The following SLC40A1 variants were observed in gnomAD, a reference collection of about 807,000 sequenced individuals.
SLC40A1 encodes the protein ferroportin.
In SLC40A1, 16 loss-of-function variants were observed where a neutral mutation model predicts 53.5. The observed-to-expected ratio is 0.30, with a 90% CI of 0.20 to 0.45. The LOEUF (loss-of-function observed/expected upper bound fraction) is 0.45, where lower values mean the gene tolerates loss of function less well. Among genes scored for constraint, SLC40A1 ranks in the 20% least tolerant of loss-of-function variants. The pLI is 1.00. For synonymous variants in SLC40A1, 247 were observed against 253.2 expected, an observed-to-expected ratio of 0.98 and a Z score of 0.23; for missense variants, 545 against 695.4, an observed-to-expected ratio of 0.78 and a Z score of 2.43.
At chr2:189,573,447 C>A (rs1325364044) in intron 3 of SLC40A1, among the ~76,000 whole-genome samples, 1 of 152,182 alleles carries the variant, frequency 6.6e-6, no homozygotes, top group Non-Finnish European at 1.5e-5. Context: ...AAGAATAAAG[C>A]AGCAGTGTAT....
chr2:189,577,420 G>T (rs1218011065), intron 2 of SLC40A1, among the ~76,000 whole-genome samples: 4 of 152,150 alleles, frequency 2.6e-5, no homozygotes, highest in Non-Finnish European at 5.9e-5. Context: ...AGCAAAGTGA[G>T]CCTCTGGGAA....
At chr2:189,578,991 A>G (rs1202788196) in intron 2 of SLC40A1, among the ~76,000 whole-genome samples, 1 of 152,248 alleles carries the variant, frequency 6.6e-6, no homozygotes, top group Admixed American at 6.5e-5. Flanking sequence ...TTTTAAATAC[A>G]TATGAGCCAT....
intron 6 of SLC40A1, among the ~76,000 whole-genome samples, chr2:189,564,660 G>A (rs2030872616): frequency 6.6e-6 from 1 of 152,132 alleles, no homozygotes; most frequent in Admixed American, 6.5e-5. Context: ...CTAACATGGT[G>A]AAACCCCGTC....
At chr2:189,575,481 C>T (rs1332854820) in intron 2 of SLC40A1, among the ~76,000 whole-genome samples, 161 bp from the exon 3 acceptor site, 6 of 152,158 alleles carry the variant, frequency 3.9e-5, no homozygotes, top group African/African-American at 4.8e-5. Flanking sequence ...GATGTTAAAA[C>T]GTTCATCCCA....
intron 6 of SLC40A1, 126 bp downstream of exon 6, chr2:189,565,228 A>G (rs1300224217): frequency 1.7e-6 from 2 of 1,199,360 alleles, no homozygotes; most frequent in East Asian, 2.4e-5. Flanking sequence ...CCAAAGCGAT[A>G]TATTTAACCT....
chr2:189,564,928 C>T (rs2030884986), intron 6 of SLC40A1, among the ~76,000 whole-genome samples: 1 of 152,220 alleles, frequency 6.6e-6, no homozygotes, highest in South Asian at 2.1e-4. Context: ...CCAGCGTCCT[C>T]TTCTCCAGTG....
At chr2:189,575,556 C>G (rs149678352) in intron 2 of SLC40A1, among the ~76,000 whole-genome samples, 4 of 152,256 alleles carry the variant, frequency 2.6e-5, no homozygotes, top group Non-Finnish European at 5.9e-5. Context: ...ATTAATGAAC[C>G]GCACATTCTC....
chr2:189,563,656 C>G lies in SLC40A1; in HGVS notation c.1330G>C (p.Glu444Gln). 1 of 1,614,124 alleles carries G rather than the reference C, an allele frequency of 6.2e-7. No individual in the cohort carries two copies. The highest frequency in any genetic ancestry group is 8.5e-7 in the Non-Finnish European group (1 of 1,179,994). Residue 444 changes from glutamate (E) to glutamine (Q), a missense_variant, in exon 7 of 8, where the codon GAG becomes CAG. Glu to Gln is a conservative substitution (Grantham distance 29, BLOSUM62 2). This residue lies in a region of SLC40A1 where 234 missense variants were observed against 299.0 expected (regional missense o/e 0.78). Coordinates refer to ENST00000261024, the MANE Select transcript of SLC40A1 (RefSeq NM_014585.6). ...ATGGGCACAGATTCAGGACTTGTCT[C>G]CGGGACAATATTAGCAGAATTAGAC... The part of the protein sequence containing the change: ...NGSNSANIVP[E>Q]TSPESVPIIS...
chr2:189,572,478 G>T (rs1408680458), intron 4 of SLC40A1: 1 of 302,142 alleles, frequency 3.3e-6, no homozygotes, highest in African/African-American at 2.2e-5. Flanking sequence ...CCAAACAGAA[G>T]TAACAATTAT....
chr2:189,577,805 CAG>C (rs2031337532), intron 2 of SLC40A1, among the ~76,000 whole-genome samples: 1 of 151,760 alleles, frequency 6.6e-6, no homozygotes, highest in South Asian at 2.1e-4. Flanking sequence ...TTTGCAGAGA[CAG>C]AGTCTCCCTA....
At chr2:189,578,941 T>C (rs1414807135) in intron 2 of SLC40A1, among the ~76,000 whole-genome samples, 1 of 152,220 alleles carries the variant, frequency 6.6e-6, no homozygotes, top group African/African-American at 2.4e-5. Context: ...AAAAGGAAAA[T>C]AACATTCAAA....
rs1293705628 is a variant in SLC40A1 at position 189,575,250 on chromosome 2, G to A, written c.182C>T (p.Thr61Ile). 1 of 1,614,128 alleles carries A rather than the reference G, an allele frequency of 6.2e-7. No individual in the cohort carries two copies. The highest frequency in any genetic ancestry group is 2.2e-5 in the East Asian group (1 of 44,882). The change falls in exon 3 of 8, where the codon ACA becomes ATA. Residue 61 changes from threonine to isoleucine, a missense_variant. This residue lies in a region of SLC40A1 where 197 missense variants were observed against 278.8 expected (regional missense o/e 0.71). Transcript: ENST00000261024. ...VELYGNSLLL[T>I]AVYGLVVAGS... The stretch of plus-strand genomic sequence containing the variant: ...TGCCACCACCAGCCCGTAGACTGCT[G>A]TCAAAAGGAGGCTGTTTCCATAGAG...
At position 189,564,588 on chromosome 2, in the gene SLC40A1, C is replaced by A. The variant is rs1227802057; in HGVS notation, c.761-363G>T. On this transcript the variant is annotated intron_variant, in intron 6 of 7. Transcript: ENST00000261024. Reference sequence around the variant, plus strand: ...AGGCACGGTGGCTCACACCTGTAATCCCAGCACTTTGGGAGGCCGAGGCGG... The same window carrying A: ...AGGCACGGTGGCTCACACCTGTAATACCAGCACTTTGGGAGGCCGAGGCGG... 2.0e-5 allele frequency among the ~76,000 whole-genome samples: 3 copies of A among 152,112 alleles called. 1 individual carries two copies. Among genetic ancestry groups the A allele is most frequent in the Admixed American group, 6.5e-5 (1 of 15,276 alleles).
At chr2:189,575,345 T>C (rs2031256509) in intron 2 of SLC40A1, 25 bp from the exon 3 acceptor site, 7 of 1,613,604 alleles carry the variant, frequency 4.3e-6, no homozygotes, top group Non-Finnish European at 5.9e-6. Context: ...GAAAATGTTT[T>C]GATGGAATAT....
chr2:189,573,570 G>T (rs762043108), intron 3 of SLC40A1, among the ~76,000 whole-genome samples: 5 of 152,114 alleles, frequency 3.3e-5, no homozygotes, highest in Admixed American at 1.3e-4. Flanking sequence ...CTGGAGTAAG[G>T]ACAGATAAAG....
intron 3 of SLC40A1, among the ~76,000 whole-genome samples, chr2:189,574,260 T>A (rs1464099504): frequency 6.6e-6 from 1 of 152,238 alleles, no homozygotes; most frequent in African/African-American, 2.4e-5. Context: ...TTCCTATGTA[T>A]AATGATGCAA....
intron 5 of SLC40A1, among the ~76,000 whole-genome samples, chr2:189,567,551 C>G (rs4145237): frequency 0.52 from 79,511 of 152,008 alleles, 23,502 homozygotes; most frequent in East Asian, 0.79. Flanking sequence ...AGAAAGTGAT[C>G]TACTTTTTCA....
chr2:189,577,338 C>G (rs1323204001), intron 2 of SLC40A1, among the ~76,000 whole-genome samples: 3 of 152,198 alleles, frequency 2.0e-5, no homozygotes, highest in Non-Finnish European at 4.4e-5. Flanking sequence ...AAAAGCAAAT[C>G]TAGCACAGGG....
chr2:189,565,724 A>G, intron 5 of SLC40A1, 125 bp from the exon 6 acceptor site: 3 of 1,349,262 alleles, frequency 2.2e-6, no homozygotes, highest in Non-Finnish European at 3.1e-6. Context: ...CTAAAAGTAC[A>G]TTTGTAAGAA....
Sources: allele counts gnomAD v4.1 joint callset (sites outside exome capture counted in the v4.1 genomes callset), GRCh38; gene constraint gnomAD v4.1.1; regional missense constraint gnomAD v4.1.1; transcripts MANE v1.5; gene names NCBI Gene and HGNC (gene_info 2026-07-23, HGNC 2026-07-21).